SLC25A48: variants seen among roughly 807,000 people sequenced by gnomAD.
SLC25A48 encodes the protein solute carrier family 25 member 48.
Under a neutral mutation model 32.2 loss-of-function variants are expected in SLC25A48, and 29 were observed. The observed-to-expected ratio is 0.90, with a 90% CI of 0.67 to 1.23. The LOEUF (loss-of-function observed/expected upper bound fraction) is 1.23. Among genes scored for constraint, SLC25A48 ranks in the 50% most tolerant of loss-of-function variants. The pLI is 0.00. For missense variants in SLC25A48, 399 were observed against 422.7 expected (o/e 0.94, Z 0.49); for synonymous variants, 164 against 172.3 (o/e 0.95, Z 0.38).
chr5:135,672,755 G>T (rs1167954234), intron 3 of SLC25A48, among the ~76,000 whole-genome samples: 1 of 152,266 alleles, frequency 6.6e-6, no homozygotes, highest in South Asian at 2.1e-4. Context: ...CATATTTAAA[G>T]TGTGCAATTT....
chr5:135,707,259 T>A (rs1487826179), intron 3 of SLC25A48, among the ~76,000 whole-genome samples: 1 of 152,162 alleles, frequency 6.6e-6, no homozygotes, highest in Admixed American at 6.5e-5. Context: ...CCTGACCCCA[T>A]CTGATAAGCC....
At chr5:135,713,344 A>C (rs1355082214) in intron 3 of SLC25A48, among the ~76,000 whole-genome samples, 1 of 152,218 alleles carries the variant, frequency 6.6e-6, no homozygotes, top group Non-Finnish European at 1.5e-5. Flanking sequence ...TCATACTTTT[A>C]CGAAACTTTT....
chr5:135,611,665 C>T (rs557731897), intron 1 of SLC25A48, among the ~76,000 whole-genome samples: 55 of 152,092 alleles, frequency 3.6e-4, no homozygotes, highest in African/African-American at 1.3e-3. Flanking sequence ...TGAGCTGAGA[C>T]TGCACCTCTG....
intron 2 of SLC25A48, among the ~76,000 whole-genome samples, chr5:135,631,503 A>G (rs1752569724): frequency 6.6e-6 from 1 of 152,232 alleles, no homozygotes; most frequent in African/African-American, 2.4e-5. Context: ...GCAGTATAAT[A>G]GTTCTCATTT....
At chr5:135,804,058 C>T (rs2345447) in intron 3 of SLC25A48, among the ~76,000 whole-genome samples, 98,112 of 151,382 alleles carry the variant, frequency 0.65, 34,055 homozygotes, top group Non-Finnish European at 0.78. Context: ...TAAAATATTA[C>T]AAATAATGTC....
chr5:135,586,241 G>A (rs1252997725), intron 1 of SLC25A48, among the ~76,000 whole-genome samples: 1 of 152,146 alleles, frequency 6.6e-6, no homozygotes. Context: ...TTTTGCCCAG[G>A]TGTCACCCAC....
chr5:135,741,669 A>G (rs1254612254), intron 3 of SLC25A48, among the ~76,000 whole-genome samples: 1 of 152,118 alleles, frequency 6.6e-6, no homozygotes, highest in Non-Finnish European at 1.5e-5. Flanking sequence ...TGAGCCGGGG[A>G]GATAGAGGTT....
chr5:135,871,546 G>T lies in SLC25A48; in HGVS notation c.507G>T (p.Val169=). 2.5e-6 allele frequency: 4 copies of T among 1,614,140 alleles called. No individual in the cohort carries two copies. The South Asian group carries it at 4.4e-5, about 18-fold the overall frequency. The change falls in exon 5 of 8, where the codon GTG becomes GTT. Residue 169 remains valine, a synonymous_variant. Transcript: ENST00000681962. ...QGPVHCITTI[V]RNEGLAGLYR... is the part of the protein sequence containing the mutation. Reference sequence around the variant, plus strand: ...CAGTGCACTGCATTACAACCATTGTGAGGAATGAGGGCCTGGCGGGGCTAT... The same window carrying T: ...CAGTGCACTGCATTACAACCATTGTTAGGAATGAGGGCCTGGCGGGGCTAT...
At chr5:135,883,948 G>A (rs1000453881) in intron 7 of SLC25A48, among the ~76,000 whole-genome samples, 2 of 152,090 alleles carry the variant, frequency 1.3e-5, no homozygotes, top group East Asian at 3.8e-4. Flanking sequence ...CCAATTCTGT[G>A]CCCACAACAA....
chr5:135,868,588 A>AG (rs1256783119), intron 4 of SLC25A48, among the ~76,000 whole-genome samples: 3 of 152,172 alleles, frequency 2.0e-5, no homozygotes, highest in African/African-American at 4.8e-5. Flanking sequence ...AGACTCTTCA[A>AG]GTATGTAACT....
Position 135,599,653 on chromosome 5 carries a change from G to A in SLC25A48, c.-849+20056G>A, listed in dbSNP as rs1338214120. 2.6e-5 allele frequency among the ~76,000 whole-genome samples: 4 copies of A among 152,198 alleles called. 1 individual carries two copies. Among genetic ancestry groups the A allele is most frequent in the South Asian group, 4.1e-4 (2 of 4,828 alleles). On this transcript the variant is annotated intron_variant, in intron 1 of 10. Transcript: ENST00000646290. The stretch of plus-strand genomic sequence containing the variant: ...GCCACTCCAGCTGCATGTTTCTTCC[G>A]CATGCACTCCTGACCACAGACCAGC...
At chr5:135,719,411 C>T (rs544001150) in intron 3 of SLC25A48, among the ~76,000 whole-genome samples, 21 of 151,934 alleles carry the variant, frequency 1.4e-4, no homozygotes, top group Non-Finnish European at 1.8e-4. Context: ...GCAGGCATGC[C>T]GGAGAAGCAG....
intron 1 of SLC25A48, among the ~76,000 whole-genome samples, chr5:135,615,327 G>C (rs1752161134): frequency 6.6e-6 from 1 of 152,130 alleles, no homozygotes; most frequent in African/African-American, 2.4e-5. Context: ...GTGAACACCG[G>C]GCTGATTAGG....
intron 3 of SLC25A48, among the ~76,000 whole-genome samples, chr5:135,697,555 G>A (rs911080142): frequency 4.6e-5 from 7 of 152,222 alleles, no homozygotes; most frequent in Admixed American, 3.9e-4. Flanking sequence ...CTTTGCCAGA[G>A]ACTGGACCCT....
chr5:135,833,700 C>A (rs915711274), upstream of SLC25A48, among the ~76,000 whole-genome samples: 2 of 152,214 alleles, frequency 1.3e-5, no homozygotes, highest in Non-Finnish European at 2.9e-5. Context: ...CAGGTCCACT[C>A]TCTGTGTGCC....
rs150303204 is a variant in SLC25A48, at chr5:135,798,957, C to A, written c.-520-13566C>A. On this transcript the variant is annotated intron_variant, in intron 3 of 10. Coordinates refer to the SLC25A48 transcript ENST00000646290. ...TGCAATAAGATATTGTTTCTAATAT[C>A]CGGGGGGGAGAGGAAGATACAACTT... 2.0e-3 allele frequency among the ~76,000 whole-genome samples: 308 copies of A among 151,770 alleles called. 1 individual carries two copies. The highest frequency in any genetic ancestry group is 7.0e-3 in the African/African-American group (288 of 41,424).
chr5:135,799,189 G>A (rs1757260384), intron 3 of SLC25A48, among the ~76,000 whole-genome samples: 8 of 151,726 alleles, frequency 5.3e-5, no homozygotes. Context: ...ATATCCAGAA[G>A]GAAAGAGAAT....
intron 6 of SLC25A48, chr5:135,875,047 C>A: frequency 3.6e-6 from 1 of 278,620 alleles, no homozygotes; most frequent in Non-Finnish European, 6.6e-6. Context: ...AAAAGCACTC[C>A]ATTCAATATG....
intron 1 of SLC25A48, among the ~76,000 whole-genome samples, chr5:135,611,367 T>G (rs1452689424): frequency 6.6e-6 from 1 of 150,836 alleles, no homozygotes; most frequent in Non-Finnish European, 1.5e-5. Flanking sequence ...AAAACAAAAT[T>G]AGCTGGTCTT....
Sources: gnomAD v4.1 joint callset for allele counts (sites outside exome capture counted in the v4.1 genomes callset) on GRCh38, gnomAD v4.1.1 for gene constraint, MANE v1.5 for transcripts, NCBI Gene and HGNC (gene_info 2026-07-23, HGNC 2026-07-21) for gene names.